PLAAT3: variants seen among roughly 807,000 people sequenced by gnomAD.
PLAAT3 encodes Ca-independent phospholipase A1/2.
A neutral mutation model predicts 16.7 loss-of-function variants in PLAAT3; 21 were observed. The observed-to-expected ratio is 1.26, with a 90% confidence interval of 0.89 to 1.81. The LOEUF (loss-of-function observed/expected upper bound fraction) is 1.81, where lower values mean the gene tolerates loss of function less well. Ranked by LOEUF, PLAAT3 falls within the 40% of genes most tolerant of loss-of-function variation. The pLI is 0.00. For synonymous variants in PLAAT3, 76 were observed against 81.7 expected (o/e 0.93, Z 0.38); for missense variants, 219 against 213.7 (o/e 1.02, Z -0.16).
intron 2 of PLAAT3, among the ~76,000 whole-genome samples, chr11:63,606,838 A>G (rs998387886): frequency 4.7e-4 from 71 of 152,312 alleles, no homozygotes; most frequent in African/African-American, 1.7e-3. Flanking sequence ...CCGGAAGGCA[A>G]CGCAGCACCT....
chr11:63,606,253 G>A (rs1399741242), intron 2 of PLAAT3, among the ~76,000 whole-genome samples: 1 of 152,088 alleles, frequency 6.6e-6, no homozygotes, highest in Non-Finnish European at 1.5e-5. Context: ...AGGGCGTGGA[G>A]CTTTTTGTTC....
chr11:63,612,378 T>C (rs652233), intron 2 of PLAAT3, among the ~76,000 whole-genome samples: 141,074 of 152,238 alleles, frequency 0.93, 66,323 homozygotes, highest in East Asian at 1. Context: ...GAAAAAAAGA[T>C]TTAGGCAGTA....
At position 63,590,233 on chromosome 11, in the gene PLAAT3, G is replaced by A. The variant is rs141685584; in HGVS notation, c.254C>T (p.Ser85Leu). 1.1e-4 allele frequency: 182 copies of A among 1,614,078 alleles called. No individual in the cohort carries two copies. The highest frequency in any genetic ancestry group is 2.2e-4 in the East Asian group (10 of 44,890). The change falls in exon 4 of 5, where the codon TCG becomes TTG. Residue 85 changes from serine to leucine, a missense_variant. Ser to Leu is a moderately radical substitution (Grantham distance 145). Transcript: ENST00000415826. Reference protein sequence around the residue: ...QVNNKHDDKYSPLPCSKIIQR... With the variant: ...QVNNKHDDKYLPLPCSKIIQR... Reference sequence around the variant, plus strand: ...GATGATTTTGCTGCAGGGCAGCGGCGAGTACTTGTCATCATGTTTGTTGTT... The same window carrying A: ...GATGATTTTGCTGCAGGGCAGCGGCAAGTACTTGTCATCATGTTTGTTGTT...
At chr11:63,586,726 C>CA (rs796796712) in intron 4 of PLAAT3, among the ~76,000 whole-genome samples, 1,467 of 141,618 alleles carry the variant, frequency 0.01, 25 homozygotes, top group African/African-American at 0.032. Flanking sequence ...ACTGCTAATT[C>CA]AAAAAAAAAA....
chr11:63,600,281 C>T (rs1938391864), intron 2 of PLAAT3, among the ~76,000 whole-genome samples: 1 of 152,124 alleles, frequency 6.6e-6, no homozygotes, highest in African/African-American at 2.4e-5. Context: ...TCGCGCCCAG[C>T]CCCATGCTGC....
intron 4 of PLAAT3, among the ~76,000 whole-genome samples, chr11:63,575,617 T>C (rs1056613996): frequency 1.3e-5 from 2 of 152,204 alleles, no homozygotes; most frequent in Non-Finnish European, 2.9e-5. Flanking sequence ...GACTTGTTTG[T>C]AGTAGGAAAA....
chr11:63,575,448 CT>C (rs760279969), intron 4 of PLAAT3, among the ~76,000 whole-genome samples: 29 of 152,294 alleles, frequency 1.9e-4, no homozygotes, highest in Non-Finnish European at 3.2e-4. Context: ...AACCTGTGAC[CT>C]CCATAAGAGC....
chr11:63,576,361 C>G (rs1421802016), intron 4 of PLAAT3, among the ~76,000 whole-genome samples: 1 of 152,134 alleles, frequency 6.6e-6, no homozygotes, highest in Non-Finnish European at 1.5e-5. Flanking sequence ...TGGTGGCTTA[C>G]GCCTGTAATC....
In PLAAT3 at chr11:63,575,001, C is replaced by T; in HGVS notation, c.433G>A (p.Ala145Thr). 6.2e-7 allele frequency: 1 copy of T among 1,613,532 alleles called. No homozygotes were observed. Among genetic ancestry groups the T allele is most frequent in the Non-Finnish European group, 8.5e-7 (1 of 1,179,414 alleles). Residue 145 changes from alanine to threonine, a missense_variant, in exon 5 of 5, where the codon GCA becomes ACA. Ala to Thr is a moderately conservative substitution (Grantham distance 58, BLOSUM62 0). Coordinates refer to ENST00000415826, the MANE Select transcript of PLAAT3 (RefSeq NM_001128203.2). ...IAASVAGMGLAAMSLIGVMFS... is the reference protein window; with the variant it reads ...IAASVAGMGLTAMSLIGVMFS... ...ATGACTCCAATAAGGCTCATGGCTGCCAAGCCCATTCCTGCAACGCTTGCA... is the reference window on the plus strand; with the variant it reads ...ATGACTCCAATAAGGCTCATGGCTGTCAAGCCCATTCCTGCAACGCTTGCA...
chr11:63,580,456 C>T (rs1937775750), intron 4 of PLAAT3, among the ~76,000 whole-genome samples: 1 of 152,140 alleles, frequency 6.6e-6, no homozygotes, highest in Non-Finnish European at 1.5e-5. Context: ...GAGTTCGAGA[C>T]CAGCCTGGCC....
At chr11:63,585,801 G>T (rs1409500419) in intron 4 of PLAAT3, among the ~76,000 whole-genome samples, 1 of 152,102 alleles carries the variant, frequency 6.6e-6, no homozygotes, top group Non-Finnish European at 1.5e-5. Flanking sequence ...AGTGTGATGT[G>T]TTCAATTTGC....
chr11:63,600,970 G>A (rs1247892405), intron 2 of PLAAT3, among the ~76,000 whole-genome samples: 1 of 148,792 alleles, frequency 6.7e-6, no homozygotes, highest in African/African-American at 2.5e-5. Context: ...ACTCACAGAA[G>A]TAAACACTGA....
intron 4 of PLAAT3, among the ~76,000 whole-genome samples, chr11:63,576,556 G>A (rs139133030): frequency 6.6e-6 from 1 of 152,352 alleles, no homozygotes; most frequent in East Asian, 1.9e-4. Flanking sequence ...CCGGGAAGTG[G>A]AATTTGCAGT....
intron 2 of PLAAT3, chr11:63,608,446 G>A (rs1174779819): frequency 6.6e-6 from 1 of 152,434 alleles, no homozygotes; most frequent in Admixed American, 6.6e-5. Context: ...CCCTACAGCG[G>A]ACTTTACCTC....
chr11:63,583,841 C>T (rs184415341), intron 4 of PLAAT3, among the ~76,000 whole-genome samples: 12 of 152,168 alleles, frequency 7.9e-5, no homozygotes, highest in African/African-American at 2.6e-4. Flanking sequence ...AGACTACAGA[C>T]ATTTAGACAT....
intron 4 of PLAAT3, among the ~76,000 whole-genome samples, chr11:63,585,801 G>GTTCAATTTGCATTGT (rs1428172225): frequency 6.6e-6 from 1 of 152,102 alleles, no homozygotes; most frequent in Non-Finnish European, 1.5e-5. Flanking sequence ...AGTGTGATGT[G>GTTCAATTTGCATTGT]TTCAATTTGC....
intron 3 of PLAAT3, 102 bp downstream of exon 3, chr11:63,597,959 G>A: frequency 1.3e-6 from 1 of 771,530 alleles, no homozygotes; most frequent in Non-Finnish European, 2.2e-6. Flanking sequence ...TGCCAGTTGG[G>A]AAGCAAGAAG....
At chr11:63,592,378 GCTGGTCTCGAACTCAAGC>G (rs72190039) in intron 3 of PLAAT3, among the ~76,000 whole-genome samples, 30,040 of 152,002 alleles carry the variant, frequency 0.2, 3,697 homozygotes, top group East Asian at 0.42. Flanking sequence ...TGTTGGCCAG[GCTGGTCTCGAACTCAAGC>G]CTGGTCCGAG....
intron 4 of PLAAT3, among the ~76,000 whole-genome samples, chr11:63,585,256 C>T (rs1220841539): frequency 6.6e-6 from 1 of 152,132 alleles, no homozygotes; most frequent in Non-Finnish European, 1.5e-5. Context: ...ATCTCTTGAC[C>T]TCATGATCTG....
Sources: gnomAD v4.1 joint callset for allele counts (sites outside exome capture counted in the v4.1 genomes callset) on GRCh38, gnomAD v4.1.1 for gene constraint, MANE v1.5 for transcripts, NCBI Gene and HGNC (gene_info 2026-07-23, HGNC 2026-07-21) for gene names.